Variants in GSTA3 observed in about 807,000 individuals in gnomAD.
The protein encoded by GSTA3 is glutathione S-transferase A3.
Under a neutral mutation model 23.1 loss-of-function variants are expected in GSTA3, and 16 were observed. That is an observed-to-expected ratio of 0.69 (90% CI 0.47 to 1.05). The LOEUF (loss-of-function observed/expected upper bound fraction) is 1.05. Among genes scored for constraint, GSTA3 ranks in the 50% least tolerant of loss-of-function variants. The pLI is 0.00. For synonymous variants in GSTA3, 122 were observed against 91.0 expected, an observed-to-expected ratio of 1.34 and a Z score of -1.94; for missense variants, 319 against 263.6, an observed-to-expected ratio of 1.21 and a Z score of -1.46.
Position 52,907,989 on chromosome 6 carries a change from A to T in GSTA3, c.-22+1652T>A, listed in dbSNP as rs45448900. Among the ~76,000 whole-genome samples the T allele has an allele frequency of 2.7e-3, 407 of 151,198 alleles. 3 individuals carry two copies. The highest frequency in any genetic ancestry group is 2.8e-3 in the Non-Finnish European group (188 of 67,920). ...TAAAGTATAATAATAATAAATAAAT[A>T]AATTAAAAAAAAAAGAAGTTACCAT... On this transcript the variant is annotated intron_variant, in intron 1 of 6. Coordinates refer to ENST00000211122, the MANE Select transcript of GSTA3 (RefSeq NM_000847.5).
At chr6:52,908,637 A>G (rs759535901) in intron 1 of GSTA3, among the ~76,000 whole-genome samples, 26 of 152,358 alleles carry the variant, frequency 1.7e-4, no homozygotes, top group Middle Eastern at 6.8e-3. Context: ...ACTCTCCCAC[A>G]TAGTAGAAAC....
At chr6:52,908,672 T>G (rs1462496709) in intron 1 of GSTA3, among the ~76,000 whole-genome samples, 1 of 152,250 alleles carries the variant, frequency 6.6e-6, no homozygotes, top group African/African-American at 2.4e-5. Flanking sequence ...AAAAATATTT[T>G]TTTTTAATTG....
In GSTA3 at chr6:52,905,776, C is replaced by T. The variant is rs141510758; in HGVS notation, c.59G>A (p.Arg20Gln). ...CACTCCAGCTGCAGCCAAGAGCCAC[C>T]GGATGGGCTCCATTCTGCCCCGTCC... is the stretch of plus-strand genomic sequence containing the variant. Reference protein sequence around the residue: ...FNGRGRMEPIRWLLAAAGVEF... With the variant: ...FNGRGRMEPIQWLLAAAGVEF... Residue 20 changes from arginine to glutamine, a missense_variant, in exon 2 of 7, where the codon CGG becomes CAG. Physicochemically the swap from Arg to Gln is conservative, Grantham distance 43. Transcript: ENST00000211122. 97 of 1,608,670 alleles carry T rather than the reference C, an allele frequency of 6.0e-5. No individual in the cohort carries two copies. Among genetic ancestry groups the T allele is most frequent in the East Asian group, 1.8e-4 (8 of 44,732 alleles).
intron 2 of GSTA3, 66 bp downstream of exon 2, chr6:52,905,682 G>T: frequency 1.1e-6 from 1 of 920,440 alleles, no homozygotes; most frequent in South Asian, 1.4e-5. Context: ...GAAGTCTCTT[G>T]GCTTACTAAA....
At position 52,896,712 on chromosome 6, in the gene GSTA3, C is replaced by A. The variant is rs1397642163; in HGVS notation, c.*94G>T. The A allele has an allele frequency of 7.7e-6, 11 of 1,433,544 alleles. No individual in the cohort carries two copies. The highest frequency in any genetic ancestry group is 9.7e-6 in the Non-Finnish European group (10 of 1,036,138). The allele number at this position is 1,433,544 out of a possible 1,614,324, so 88.8% of individuals were successfully genotyped here. A position where few individuals can be genotyped will look rare whatever the true frequency, so the allele number is the denominator to read the frequency against. Reference sequence around the variant, plus strand: ...AATTGGAAAGGGTTCATTAGCTTTACAACAGGCACAATCAACACTTAAGTA... The same window carrying A: ...AATTGGAAAGGGTTCATTAGCTTTAAAACAGGCACAATCAACACTTAAGTA... On this transcript the variant is annotated 3_prime_UTR_variant, in exon 7 of 7. Transcript: ENST00000211122.
intron 5 of GSTA3, among the ~76,000 whole-genome samples, chr6:52,899,235 G>A (rs913277219): frequency 1.3e-5 from 2 of 152,228 alleles, no homozygotes; most frequent in South Asian, 4.1e-4. Flanking sequence ...AAGTTTAAAA[G>A]TAGAAGGCAA....
intron 2 of GSTA3, 138 bp downstream of exon 2, chr6:52,905,610 T>C: frequency 1.9e-6 from 1 of 517,202 alleles, no homozygotes; most frequent in Non-Finnish European, 3.5e-6. Context: ...TTTGTCCATT[T>C]TAAAAAAATA....
intron 4 of GSTA3, among the ~76,000 whole-genome samples, chr6:52,901,565 T>G (rs1432983483): frequency 6.6e-6 from 1 of 152,266 alleles, no homozygotes; most frequent in African/African-American, 2.4e-5. Context: ...TTGAATACCA[T>G]GAAAATTGCC....
At chr6:52,899,031 GGAATGAGTTTGGGTAGAGCAGGTAATCA>G (rs1214805895) in intron 5 of GSTA3, among the ~76,000 whole-genome samples, 1 of 152,062 alleles carries the variant, frequency 6.6e-6, no homozygotes, top group African/African-American at 2.4e-5. Context: ...GAAGGTAATC[GGAATGAGTTTGGGTAGAGCAGGTAATCA>G]GAATGAGTCA....
intron 1 of GSTA3, among the ~76,000 whole-genome samples, chr6:52,907,134 C>G (rs1411719098): frequency 2.9e-5 from 4 of 137,184 alleles, no homozygotes; most frequent in African/African-American, 8.9e-5. Flanking sequence ...ACAAACAACC[C>G]CATCAAAAAG....
At chr6:52,899,849 GGTCA>G in intron 5 of GSTA3, 81 bp downstream of exon 5, 3 of 1,261,528 alleles carry the variant, frequency 2.4e-6, no homozygotes, top group Non-Finnish European at 2.3e-6. Context: ...TGAAAGTGAA[GGTCA>G]GTGCCCCAGG....
At chr6:52,903,274 A>G (rs979619040) in intron 3 of GSTA3, among the ~76,000 whole-genome samples, 5 of 151,952 alleles carry the variant, frequency 3.3e-5, no homozygotes, top group African/African-American at 1.2e-4. Context: ...ACACACACAT[A>G]GGCATCGCCT....
In GSTA3 at chr6:52,897,838, A is replaced by G. The variant is rs1188415802; in HGVS notation, c.533T>C (p.Phe178Ser). Reference protein sequence around the residue: ...EELDSSLISNFPLLKALKTRI... With the variant: ...EELDSSLISNSPLLKALKTRI... Reference sequence around the variant, plus strand: ...GAAATGGGTCACCTTCAGCAGAGGGAAGTTGGAGATAAGGCTGGAGTCAAG... The same window carrying G: ...GAAATGGGTCACCTTCAGCAGAGGGGAGTTGGAGATAAGGCTGGAGTCAAG... The change falls in exon 6 of 7, where the codon TTC becomes TCC. Residue 178 changes from phenylalanine to serine, a missense_variant. Transcript: ENST00000211122. 6.2e-7 allele frequency: 1 copy of G among 1,613,208 alleles called. No individual in the cohort carries two copies. The highest frequency in any genetic ancestry group is 2.2e-5 in the East Asian group (1 of 44,836).
At chr6:52,898,096 T>G (rs1304692600) in intron 5 of GSTA3, 140 bp from the exon 6 acceptor site, 3 of 930,396 alleles carry the variant, frequency 3.2e-6, no homozygotes, top group Non-Finnish European at 5.1e-6. Flanking sequence ...TTTGTTTATG[T>G]TCCCTGATTG....
chr6:52,899,504 A>G (rs1327774371), intron 5 of GSTA3, among the ~76,000 whole-genome samples: 1 of 152,150 alleles, frequency 6.6e-6, no homozygotes, highest in East Asian at 1.9e-4. Flanking sequence ...GAAACACTAC[A>G]ATATTCTCTG....
chr6:52,899,068 C>CAGGGTAGAGCAGGTAATCGGAATGAGTT (rs1561950990), intron 5 of GSTA3, among the ~76,000 whole-genome samples: 16 of 151,586 alleles, frequency 1.1e-4, no homozygotes, highest in African/African-American at 3.4e-4. Flanking sequence ...CAGAATGAGT[C>CAGGGTAGAGCAGGTAATCGGAATGAGTT]AGGGTAGAGC....
chr6:52,902,564 G>C (rs1229824896), intron 3 of GSTA3, 86 bp from the exon 4 acceptor site: 18 of 1,339,938 alleles, frequency 1.3e-5, no homozygotes, highest in Non-Finnish European at 1.7e-5. Context: ...AAATGACTGA[G>C]GTTATAAAAT....
At chr6:52,900,407 C>A (rs189816953) in intron 4 of GSTA3, among the ~76,000 whole-genome samples, 16 of 151,774 alleles carry the variant, frequency 1.1e-4, no homozygotes, top group Non-Finnish European at 1.8e-4. Flanking sequence ...GGATTACAGA[C>A]GCCTGCCAAT....
At position 52,897,843 on chromosome 6, in the gene GSTA3, G is replaced by A; in HGVS notation, c.528C>T (p.Ser176=). Residue 176 remains serine (S), a synonymous_variant, in exon 6 of 7, where the codon TCC becomes TCT. Transcript: ENST00000211122. ...YVEELDSSLI[S]NFPLLKALKT... is the part of the protein sequence containing the mutation. ...GGGTCACCTTCAGCAGAGGGAAGTT[G>A]GAGATAAGGCTGGAGTCAAGCTCTT... The A allele has an allele frequency of 6.2e-7, 1 of 1,613,710 alleles. No individual in the cohort carries two copies. The highest frequency in any genetic ancestry group is 1.1e-5 in the South Asian group (1 of 91,060).
Sources: allele counts gnomAD v4.1 joint callset (sites outside exome capture counted in the v4.1 genomes callset), GRCh38; gene constraint gnomAD v4.1.1; transcripts MANE v1.5; gene names NCBI Gene and HGNC (gene_info 2026-07-23, HGNC 2026-07-21).